Variants in LMNTD1 observed in about 807,000 individuals in gnomAD.
LMNTD1 encodes the protein lamin tail domain-containing protein 1.
LMNTD1 carries 35 observed loss-of-function variants against 50.9 expected under a neutral mutation model. That is an observed-to-expected ratio of 0.69 (90% CI 0.53 to 0.91). The LOEUF is 0.91. Among genes scored for constraint, LMNTD1 ranks in the 40% least tolerant of loss-of-function variants. The probability of loss-of-function intolerance (pLI) is 0.00; values close to 1 mark genes in which losing one functional copy is unlikely to be tolerated. For synonymous variants in LMNTD1, 153 were observed against 161.9 expected, an observed-to-expected ratio of 0.94 and a Z score of 0.42; for missense variants, 470 against 475.5, an observed-to-expected ratio of 0.99 and a Z score of 0.11.
At chr12:25,542,751 G>GAA (rs56007659) in intron 4 of LMNTD1, among the ~76,000 whole-genome samples, 95,967 of 144,014 alleles carry the variant, frequency 0.67, 32,223 homozygotes, top group Admixed American at 0.72. Context: ...AAAAAAAGAA[G>GAA]AAAAAAAAAG....
At chr12:25,489,851 G>A (rs1328739734) in intron 9 of LMNTD1, among the ~76,000 whole-genome samples, 4 of 152,056 alleles carry the variant, frequency 2.6e-5, no homozygotes, top group Admixed American at 2.6e-4. Context: ...TGTTGAAAAA[G>A]CTTCCAAAAT....
At chr12:25,573,358 A>G (rs1291247021) in intron 1 of LMNTD1, among the ~76,000 whole-genome samples, 1 of 152,174 alleles carries the variant, frequency 6.6e-6, no homozygotes, top group African/African-American at 2.4e-5. Flanking sequence ...CACTAGAGGC[A>G]GCAGAGCCCA....
intron 1 of LMNTD1, among the ~76,000 whole-genome samples, chr12:25,593,146 C>A (rs1251864006): frequency 6.6e-6 from 1 of 151,228 alleles, no homozygotes; most frequent in Non-Finnish European, 1.5e-5. Context: ...ACCCTGGTAA[C>A]TGAAGACAAA....
intron 1 of LMNTD1, among the ~76,000 whole-genome samples, chr12:25,566,786 G>C (rs1025473973): frequency 6.6e-6 from 1 of 152,160 alleles, no homozygotes; most frequent in African/African-American, 2.4e-5. Context: ...TGATAGCAAC[G>C]GGCGTCAATG....
At position 25,648,541 on chromosome 12, in the gene LMNTD1, G is replaced by T. The variant is rs995696135; in HGVS notation, c.11C>A (p.Pro4Gln). ...AACACCGATGTCTCCTGCTCTCACTGGCTGTTGCATGTAGTGTCCTTAAGC... is the reference window on the plus strand; with the variant it reads ...AACACCGATGTCTCCTGCTCTCACTTGCTGTTGCATGTAGTGTCCTTAAGC... The change falls in exon 1 of 8, where the codon CCA (proline) becomes CAA (glutamine). Residue 4 changes from proline to glutamine, a missense_variant. Coordinates refer to the LMNTD1 transcript ENST00000445693. 1.9e-6 allele frequency: 3 copies of T among 1,551,414 alleles called. No individual in the cohort carries two copies. In the African/African-American group the frequency reaches 4.1e-5, roughly 21 times the overall value.
chr12:25,638,437 A>C (rs1946883179), intron 1 of LMNTD1, among the ~76,000 whole-genome samples: 2 of 152,152 alleles, frequency 1.3e-5, no homozygotes, highest in African/African-American at 4.8e-5. Flanking sequence ...TATGTAGAAA[A>C]TACTAAACAA....
chr12:25,634,918 T>C (rs1284083594), intron 1 of LMNTD1, among the ~76,000 whole-genome samples: 1 of 151,982 alleles, frequency 6.6e-6, no homozygotes, highest in African/African-American at 2.4e-5. Flanking sequence ...CCCTAAAGAC[T>C]CCTCCAGAAA....
intron 1 of LMNTD1, among the ~76,000 whole-genome samples, chr12:25,591,970 C>T (rs1945713865): frequency 6.6e-6 from 1 of 152,136 alleles, no homozygotes; most frequent in South Asian, 2.1e-4. Context: ...TATGAGTCTG[C>T]AAGAACCACA....
chr12:25,549,311 C>T lies in LMNTD1; in HGVS notation c.310+15G>A, dbSNP rs745353522. Reference sequence around the variant, plus strand: ...TAAAAGTACTCTAAAAATATGGGTTCCATATTTTGCTTACCCAAGCTGTTT... The same window carrying T: ...TAAAAGTACTCTAAAAATATGGGTTTCATATTTTGCTTACCCAAGCTGTTT... On this transcript the variant is annotated intron_variant, in intron 3 of 9. Coordinates refer to ENST00000458174, the MANE Select transcript of LMNTD1 (RefSeq NM_001145728.2). 2 of 1,456,858 alleles carry T rather than the reference C, an allele frequency of 1.4e-6. No homozygotes were observed. The highest frequency in any genetic ancestry group is 4.6e-5 in the East Asian group (2 of 43,584). 90.2% of individuals were successfully genotyped at this position (1,456,858 alleles called of 1,614,324 possible). A position where few individuals can be genotyped will look rare whatever the true frequency, so the allele number is the denominator to read the frequency against.
chr12:25,643,434 A>G (rs542566710), intron 1 of LMNTD1, among the ~76,000 whole-genome samples: 1 of 152,316 alleles, frequency 6.6e-6, no homozygotes, highest in Admixed American at 6.5e-5. Flanking sequence ...AAGGTTAACA[A>G]GGGCCGGATG....
intron 1 of LMNTD1, among the ~76,000 whole-genome samples, chr12:25,584,303 TAA>T (rs2136437310): frequency 1.3e-5 from 2 of 152,334 alleles, no homozygotes; most frequent in Non-Finnish European, 2.9e-5. Flanking sequence ...TGAGGTAGGC[TAA>T]GTGGTTGACC....
chr12:25,546,542 A>T lies in LMNTD1; in HGVS notation c.323T>A (p.Phe108Tyr). ...TTCATCCTGTTTCTTCGGAACTGAG[A>T]AGGGGCTGGCATCTTTCAAGTAGAC... ...RVENSLDASP[F>Y]SVPKKQDESP... is the part of the protein sequence containing the mutation. The change falls in exon 4 of 10, where the codon TTC becomes TAC. Residue 108 changes from phenylalanine to tyrosine, a missense_variant. By Grantham distance (22) the Phe-to-Tyr change is conservative. Transcript: ENST00000458174. The T allele has an allele frequency of 1.3e-6, 2 of 1,556,206 alleles. No individual in the cohort carries two copies. Among genetic ancestry groups the T allele is most frequent in the Non-Finnish European group, 1.7e-6 (2 of 1,148,772 alleles).
In LMNTD1 at chr12:25,521,672, A is replaced by G. The variant is rs527264301; in HGVS notation, c.799-1597T>C. Among the ~76,000 whole-genome samples, 3 of 152,332 alleles carry G rather than the reference A, an allele frequency of 2.0e-5. No homozygotes were observed. The South Asian group carries it at 6.2e-4, about 32-fold the overall frequency. On this transcript the variant is annotated intron_variant, in intron 6 of 9. Transcript: ENST00000458174. ...TCCAGCTATTGAATTTCACAACTCTAAAGAACCGAGCAAAAAGTAATGGTA... is the reference window on the plus strand; with the variant it reads ...TCCAGCTATTGAATTTCACAACTCTGAAGAACCGAGCAAAAAGTAATGGTA...
At chr12:25,488,462 G>A (rs1222306147) in intron 9 of LMNTD1, among the ~76,000 whole-genome samples, 25 of 143,876 alleles carry the variant, frequency 1.7e-4, no homozygotes, top group African/African-American at 3.6e-4. Flanking sequence ...CGTAGTTCTC[G>A]AGCCTTGGTT....
At chr12:25,548,210 A>G (rs1253075984) in intron 3 of LMNTD1, among the ~76,000 whole-genome samples, 1 of 151,900 alleles carries the variant, frequency 6.6e-6, no homozygotes, top group Non-Finnish European at 1.5e-5. Context: ...AGGAGAAAAA[A>G]AAACCCTATA....
At chr12:25,497,165 T>C (rs1051182337) in intron 9 of LMNTD1, among the ~76,000 whole-genome samples, 1 of 152,136 alleles carries the variant, frequency 6.6e-6, no homozygotes, top group Non-Finnish European at 1.5e-5. Context: ...CTATGAACAC[T>C]AGTACAAAAG....
At position 25,549,429 on chromosome 12, in the gene LMNTD1, G is replaced by A. The variant is rs1250820946; in HGVS notation, c.207C>T (p.Tyr69=). 1 of 1,612,986 alleles carries A rather than the reference G, an allele frequency of 6.2e-7. No homozygotes were observed. The highest frequency in any genetic ancestry group is 1.7e-5 in the Admixed American group (1 of 59,976). ...SSNSSGMPLG[Y]YLSSPQISRV... is the part of the protein sequence containing the mutation. The stretch of plus-strand genomic sequence containing the variant: ...TACTAATCTGAGGACTAGACAGATA[G>A]TAACCAAGAGGCATTCCACTGGAAT... The change falls in exon 3 of 10, where the codon TAC becomes TAT. Residue 69 remains tyrosine, a synonymous_variant. Transcript: ENST00000458174.
chr12:25,617,605 G>A, intron 1 of LMNTD1, among the ~76,000 whole-genome samples: 1 of 152,206 alleles, frequency 6.6e-6, no homozygotes, highest in South Asian at 2.1e-4. Flanking sequence ...AAATGGGGAA[G>A]GGGGGACAAA....
intron 3 of LMNTD1, chr12:25,547,161 T>C (rs1227412160): frequency 1.1e-6 from 1 of 887,274 alleles, no homozygotes; most frequent in South Asian, 5.2e-5. Context: ...ATAGTTTTCA[T>C]AATTTTAAGC....
Sources: allele counts gnomAD v4.1 joint callset (sites outside exome capture counted in the v4.1 genomes callset), GRCh38; gene constraint gnomAD v4.1.1; transcripts MANE v1.5; gene names NCBI Gene and HGNC (gene_info 2026-07-23, HGNC 2026-07-21).